PCDHA12: variants seen among roughly 807,000 people sequenced by gnomAD.
PCDHA12 encodes the protein protocadherin alpha 12.
PCDHA12 carries 44 observed loss-of-function variants against 60.0 expected under a neutral mutation model. That is an observed-to-expected ratio of 0.73 (90% CI 0.58 to 0.94). The LOEUF (loss-of-function observed/expected upper bound fraction) is 0.94. PCDHA12 is among the 40% of genes least tolerant of loss of function. PCDHA12 has a pLI of 0.00. For synonymous variants in PCDHA12, 569 were observed against 553.0 expected, an observed-to-expected ratio of 1.03 and a Z score of -0.40; for missense variants, 1,276 against 1,239.7, an observed-to-expected ratio of 1.03 and a Z score of -0.44.
At chr5:140,882,000 G>A in intron 1 of PCDHA12, 1 of 477,842 alleles carries the variant, frequency 2.1e-6, no homozygotes, top group Non-Finnish European at 3.5e-6. Flanking sequence ...GGAAATGCAA[G>A]GGGCAAAAAA....
At chr5:140,910,197 T>C (rs1318749477) in intron 1 of PCDHA12, among the ~76,000 whole-genome samples, 1 of 152,202 alleles carries the variant, frequency 6.6e-6, no homozygotes, top group African/African-American at 2.4e-5. Context: ...TAGTCTTTTG[T>C]CCACTTGACC....
At chr5:140,986,480 T>A (rs781884269) in intron 3 of PCDHA12, among the ~76,000 whole-genome samples, 16 of 152,200 alleles carry the variant, frequency 1.1e-4, no homozygotes, top group Non-Finnish European at 1.5e-4. Flanking sequence ...GATCAGTTCC[T>A]AGGGCAATCC....
chr5:140,959,493 A>C (rs533403086), intron 1 of PCDHA12, among the ~76,000 whole-genome samples: 3 of 152,280 alleles, frequency 2.0e-5, no homozygotes, highest in South Asian at 2.1e-4. Context: ...TTATATATGG[A>C]TCAAACTAAA....
chr5:140,927,225 G>A, intron 1 of PCDHA12: 2 of 1,614,112 alleles, frequency 1.2e-6, no homozygotes, highest in South Asian at 2.2e-5. Context: ...ACAAGATTCG[G>A]ATTCACGTCC....
At chr5:140,966,737 G>A (rs1466161811) in intron 1 of PCDHA12, 4 of 1,420,882 alleles carry the variant, frequency 2.8e-6, no homozygotes, top group Non-Finnish European at 3.7e-6. Flanking sequence ...CTCCGGCCCT[G>A]CCCGGCTGCC....
intron 1 of PCDHA12, among the ~76,000 whole-genome samples, chr5:140,944,212 G>A (rs2093625655): frequency 6.6e-6 from 1 of 152,158 alleles, no homozygotes; most frequent in Non-Finnish European, 1.5e-5. Flanking sequence ...TTTTTAAAGA[G>A]GGTTTTACTC....
At chr5:140,968,946 GCAT>G in intron 1 of PCDHA12, 4 of 1,614,172 alleles carry the variant, frequency 2.5e-6, no homozygotes, top group Non-Finnish European at 3.4e-6. Flanking sequence ...ATCATTTTGA[GCAT>G]CATCAAGTGC....
chr5:140,886,539 T>C (rs1463145945), intron 1 of PCDHA12, among the ~76,000 whole-genome samples: 6 of 152,154 alleles, frequency 3.9e-5, no homozygotes, highest in African/African-American at 1.4e-4. Context: ...GTTAGAAAGG[T>C]CTTCCCAGCT....
intron 3 of PCDHA12, among the ~76,000 whole-genome samples, chr5:141,002,021 C>A (rs1177146388): frequency 2.6e-5 from 4 of 152,184 alleles, no homozygotes; most frequent in Admixed American, 6.5e-5. Flanking sequence ...GCACAGCCTT[C>A]GGTGCCCTGA....
intron 3 of PCDHA12, among the ~76,000 whole-genome samples, chr5:140,994,850 CAT>C (rs10584145): frequency 0.01 from 1,553 of 152,082 alleles, 27 homozygotes; most frequent in African/African-American, 0.036. Flanking sequence ...AAGATGAGTG[CAT>C]TTGATGGATG....
At chr5:140,941,185 C>CTTTT (rs782102770) in intron 1 of PCDHA12, among the ~76,000 whole-genome samples, 28 of 102,174 alleles carry the variant, frequency 2.7e-4, no homozygotes, top group African/African-American at 6.8e-4. Flanking sequence ...CATCCTGCTT[C>CTTTT]TTTTTTTTTC....
intron 1 of PCDHA12, among the ~76,000 whole-genome samples, chr5:140,886,252 C>G (rs1368508838): frequency 6.6e-6 from 1 of 151,858 alleles, no homozygotes; most frequent in Non-Finnish European, 1.5e-5. Flanking sequence ...ATAAAAGTAT[C>G]TCTATTTATA....
intron 3 of PCDHA12, among the ~76,000 whole-genome samples, chr5:141,005,783 C>T (rs79683532): frequency 0.097 from 14,322 of 148,270 alleles, 898 homozygotes; most frequent in African/African-American, 0.18. Context: ...TGTAAAGATC[C>T]TGAGGCAAAA....
At chr5:140,879,813 T>C in intron 1 of PCDHA12, among the ~76,000 whole-genome samples, 1 of 152,346 alleles carries the variant, frequency 6.6e-6, no homozygotes, top group African/African-American at 2.4e-5. Flanking sequence ...CTATTGGCTG[T>C]TGGTGTTCCC....
rs1450871721 is a variant in PCDHA12, at chr5:140,999,541, C to T, written c.2516-10086C>T. 3.3e-5 allele frequency among the ~76,000 whole-genome samples: 5 copies of T among 152,150 alleles called. No individual in the cohort carries two copies. The East Asian group carries it at 9.7e-4, about 29-fold the overall frequency. On this transcript the variant is annotated intron_variant, in intron 3 of 3. Coordinates refer to ENST00000398631, the MANE Select transcript of PCDHA12 (RefSeq NM_018903.4). ...TTTGTTACCCCCTGGATATGACAGC[C>T]AATGAAGAGGGGGTATTTTGAGAAG...
chr5:140,891,861 T>C (rs1346164388), intron 1 of PCDHA12, among the ~76,000 whole-genome samples: 1 of 152,174 alleles, frequency 6.6e-6, no homozygotes, highest in Non-Finnish European at 1.5e-5. Context: ...GTCCCTCTCT[T>C]ATGCTTTTGG....
chr5:140,992,070 GA>G (rs1554252639), intron 3 of PCDHA12, among the ~76,000 whole-genome samples: 1 of 151,052 alleles, frequency 6.6e-6, no homozygotes, highest in Non-Finnish European at 1.5e-5. Context: ...AATTTCAGTA[GA>G]GAATGAGCTA....
intron 1 of PCDHA12, among the ~76,000 whole-genome samples, chr5:140,885,056 C>T (rs1554181973): frequency 6.6e-6 from 1 of 152,106 alleles, no homozygotes; most frequent in East Asian, 1.9e-4. Flanking sequence ...TATACATATA[C>T]CCACAAGATA....
At chr5:140,911,151 G>A (rs2075350899) in intron 1 of PCDHA12, among the ~76,000 whole-genome samples, 1 of 152,174 alleles carries the variant, frequency 6.6e-6, no homozygotes, top group South Asian at 2.1e-4. Context: ...TTTCTCCTCA[G>A]ACAAATGTGG....
Sources: gnomAD v4.1 joint callset for allele counts (sites outside exome capture counted in the v4.1 genomes callset) on GRCh38, gnomAD v4.1.1 for gene constraint, MANE v1.5 for transcripts, NCBI Gene and HGNC (gene_info 2026-07-23, HGNC 2026-07-21) for gene names.